The following VNN1 variants were observed in gnomAD, a reference collection of about 807,000 sequenced individuals.
The protein encoded by VNN1 is pantetheinase.
VNN1 carries 29 observed loss-of-function variants against 41.9 expected under a neutral mutation model. The observed-to-expected ratio is 0.69, with a 90% CI of 0.52 to 0.94. VNN1 has a LOEUF of 0.94. Among genes scored for constraint, VNN1 ranks in the 40% least tolerant of loss-of-function variants. VNN1 has a pLI of 0.00. For synonymous variants in VNN1, 233 were observed against 224.4 expected (o/e 1.04, Z -0.34); for missense variants, 637 against 621.1 (o/e 1.03, Z -0.27).
chr6:132,695,546 T>C (rs2745437), intron 2 of VNN1, among the ~76,000 whole-genome samples: 65,767 of 151,954 alleles, frequency 0.43, 15,369 homozygotes, highest in African/African-American at 0.6. Context: ...GAGGTACAAA[T>C]GCAAAGGCAA....
intron 1 of VNN1, 132 bp from the exon 2 acceptor site, chr6:132,711,971 T>C: frequency 1.1e-6 from 1 of 888,100 alleles, no homozygotes; most frequent in Non-Finnish European, 1.5e-6. Flanking sequence ...TTTTATAATT[T>C]ATTTTCTTTT....
intron 2 of VNN1, among the ~76,000 whole-genome samples, chr6:132,695,051 C>T (rs909273559): frequency 6.6e-6 from 1 of 152,120 alleles, no homozygotes; most frequent in African/African-American, 2.4e-5. Flanking sequence ...ACTCAAGAGG[C>T]TGAGGTGGGA....
intron 5 of VNN1, among the ~76,000 whole-genome samples, chr6:132,691,931 G>A (rs372669029): frequency 4.0e-5 from 6 of 151,626 alleles, no homozygotes; most frequent in African/African-American, 1.2e-4. Context: ...TTGCTTGGCC[G>A]AGGAGGCAGA....
At chr6:132,701,385 A>C (rs1196984431) in intron 2 of VNN1, among the ~76,000 whole-genome samples, 1 of 152,212 alleles carries the variant, frequency 6.6e-6, no homozygotes, top group Non-Finnish European at 1.5e-5. Flanking sequence ...GAAGGAATAT[A>C]CCTCAACATA....
intron 2 of VNN1, among the ~76,000 whole-genome samples, chr6:132,696,708 C>T (rs545958472): frequency 1.8e-4 from 27 of 151,272 alleles, no homozygotes; most frequent in Non-Finnish European, 3.7e-4. Flanking sequence ...AATTCTATAT[C>T]CATCAGAACT....
At chr6:132,711,672 T>C in intron 2 of VNN1, 37 bp downstream of exon 2, 2 of 1,597,638 alleles carry the variant, frequency 1.3e-6, no homozygotes, top group Non-Finnish European at 1.7e-6. Flanking sequence ...ATCAAGTTGA[T>C]GTTTACTAGT....
intron 2 of VNN1, among the ~76,000 whole-genome samples, chr6:132,701,815 A>G (rs1172956009): frequency 6.6e-6 from 1 of 152,228 alleles, no homozygotes; most frequent in Non-Finnish European, 1.5e-5. Context: ...AGGTTACCAC[A>G]TGGTGTGGAG....
chr6:132,694,913 G>C (rs1463775700), intron 2 of VNN1, among the ~76,000 whole-genome samples: 4 of 152,132 alleles, frequency 2.6e-5, no homozygotes, highest in Non-Finnish European at 5.9e-5. Context: ...AACATTTTGG[G>C]AGGCCGAGGT....
intron 5 of VNN1, among the ~76,000 whole-genome samples, chr6:132,686,687 T>C (rs539340703): frequency 1.3e-5 from 2 of 152,296 alleles, no homozygotes; most frequent in African/African-American, 4.8e-5. Context: ...GTCAGAATTT[T>C]CTATGAGTTT....
intron 2 of VNN1, among the ~76,000 whole-genome samples, chr6:132,704,330 C>A (rs1778489341): frequency 6.6e-6 from 1 of 151,910 alleles, no homozygotes; most frequent in African/African-American, 2.4e-5. Flanking sequence ...AATCTTAAAA[C>A]ATTAAAAAAA....
intron 2 of VNN1, among the ~76,000 whole-genome samples, chr6:132,696,636 A>G (rs1278215368): frequency 6.6e-6 from 1 of 151,690 alleles, no homozygotes; most frequent in Non-Finnish European, 1.5e-5. Flanking sequence ...AACTTTGGAG[A>G]CCACAAAGCA....
intron 1 of VNN1, 34 bp downstream of exon 1, chr6:132,713,792 A>G (rs781421141): frequency 1.9e-6 from 3 of 1,606,464 alleles, no homozygotes; most frequent in Non-Finnish European, 2.6e-6. Context: ...TTCTCATAGA[A>G]TCCAGTACAC....
intron 3 of VNN1, 129 bp downstream of exon 3, chr6:132,693,861 T>C (rs1778328776): frequency 9.2e-7 from 1 of 1,090,108 alleles, no homozygotes; most frequent in South Asian, 1.5e-5. Flanking sequence ...CGCTTTATCA[T>C]TACTTTCTAT....
At chr6:132,711,883 A>T (rs777700029) in intron 1 of VNN1, 44 bp from the exon 2 acceptor site, 4 of 1,602,052 alleles carry the variant, frequency 2.5e-6, no homozygotes, top group Non-Finnish European at 3.4e-6. Context: ...CTGCAAGAGG[A>T]GCTGAGGAGC....
chr6:132,690,605 C>T (rs552202997), intron 5 of VNN1, among the ~76,000 whole-genome samples: 10 of 152,330 alleles, frequency 6.6e-5, no homozygotes, highest in Middle Eastern at 3.4e-3. Flanking sequence ...GTTCAAATGT[C>T]TTTCTCCATT....
At chr6:132,696,277 T>C (rs1778370262) in intron 2 of VNN1, among the ~76,000 whole-genome samples, 1 of 152,148 alleles carries the variant, frequency 6.6e-6, no homozygotes, top group South Asian at 2.1e-4. Context: ...ATTGAAATTA[T>C]TGAGTCTGCA....
At chr6:132,696,688 G>A (rs1778377260) in intron 2 of VNN1, among the ~76,000 whole-genome samples, 1 of 150,130 alleles carries the variant, frequency 6.7e-6, no homozygotes, top group Admixed American at 6.6e-5. Context: ...AAAAAAATCT[G>A]ACAACCAAGA....
chr6:132,692,540 C>T lies in VNN1; in HGVS notation c.871G>A (p.Asp291Asn). Residue 291 changes from aspartate (D) to asparagine (N), a missense_variant, in exon 5 of 7, where the codon GAT (aspartate) becomes AAT (asparagine). Coordinates refer to ENST00000367928, the MANE Select transcript of VNN1 (RefSeq NM_004666.3). ...AGTTTTCCCTCTTCTGTCTTCATAT[C>T]ATAATGAAATGCTCTTGAAGAATTG... ...APNSSRAFHYDMKTEEGKLLL... is the reference protein window; with the variant it reads ...APNSSRAFHYNMKTEEGKLLL... 1 of 1,605,496 alleles carries T rather than the reference C, an allele frequency of 6.2e-7. No individual in the cohort carries two copies. The highest frequency in any genetic ancestry group is 8.5e-7 in the Non-Finnish European group (1 of 1,178,732).
chr6:132,712,352 ATTGGTC>A (rs974790368), intron 1 of VNN1, among the ~76,000 whole-genome samples: 3 of 151,774 alleles, frequency 2.0e-5, no homozygotes, highest in Non-Finnish European at 4.4e-5. Flanking sequence ...GTTTCTCCAT[ATTGGTC>A]AGGATGGTCT....
Sources: allele counts gnomAD v4.1 joint callset (sites outside exome capture counted in the v4.1 genomes callset), GRCh38; gene constraint gnomAD v4.1.1; transcripts MANE v1.5; gene names NCBI Gene and HGNC (gene_info 2026-07-23, HGNC 2026-07-21).